The following KIRREL3 variants were observed in gnomAD, a reference collection of about 807,000 sequenced individuals.
The protein encoded by KIRREL3 is kirre like nephrin family adhesion molecule 3.
Under a neutral mutation model 89.7 loss-of-function variants are expected in KIRREL3, and 36 were observed. The observed-to-expected ratio is 0.40, with a 90% CI of 0.31 to 0.53. KIRREL3 has a LOEUF of 0.53. KIRREL3 is among the 20% of genes least tolerant of loss of function. The pLI is 0.49. For missense variants in KIRREL3, 864 were observed against 1,056.6 expected, an observed-to-expected ratio of 0.82 and a Z score of 2.53; for synonymous variants, 445 against 441.4, an observed-to-expected ratio of 1.01 and a Z score of -0.10.
At chr11:126,941,723 G>A (rs774732482) in intron 1 of KIRREL3, among the ~76,000 whole-genome samples, 256 of 152,372 alleles carry the variant, frequency 1.7e-3, no homozygotes, top group Admixed American at 3.7e-3. Context: ...TCTTCCCAGA[G>A]TGGGCTGGAT....
chr11:126,923,276 C>T (rs35032720), intron 1 of KIRREL3, among the ~76,000 whole-genome samples: 2,205 of 94,352 alleles, frequency 0.023, 360 homozygotes, highest in African/African-American at 0.052. Context: ...TCTCCTTCTC[C>T]TTCTCCTTCT....
At chr11:126,864,124 G>C (rs1944841717) in intron 1 of KIRREL3, among the ~76,000 whole-genome samples, 1 of 152,244 alleles carries the variant, frequency 6.6e-6, no homozygotes, top group Admixed American at 6.5e-5. Context: ...ACAAAGTATA[G>C]AGCAGGATGC....
At chr11:126,975,938 C>CCCTT (rs1555111869) in intron 1 of KIRREL3, among the ~76,000 whole-genome samples, 1,806 of 104,294 alleles carry the variant, frequency 0.017, 96 homozygotes, top group South Asian at 0.031. Context: ...CTCCCTCCCT[C>CCCTT]CCTTCCTTCC....
chr11:126,873,249 T>C (rs2036538628), intron 1 of KIRREL3, among the ~76,000 whole-genome samples: 1 of 152,226 alleles, frequency 6.6e-6, no homozygotes, highest in South Asian at 2.1e-4. Flanking sequence ...TTACTTCTGC[T>C]GTGAAGAAAT....
rs1591806967 is a variant in KIRREL3, at chr11:126,605,130, TC to T, written c.56-42219del. Among the ~76,000 whole-genome samples the T allele has an allele frequency of 1.3e-5, 2 of 152,160 alleles. No homozygotes were observed. Among genetic ancestry groups the T allele is most frequent in the East Asian group, 3.9e-4 (2 of 5,174 alleles). On this transcript the variant is annotated intron_variant, in intron 1 of 16. Transcript: ENST00000525144. The surrounding 1 kb of genome is among the most constrained non-coding windows in gnomAD (Gnocchi z 5.7). ...CCTTTCTCCTTGGCTCCTCCCACGC[TC>T]TTGGCTTTTCTCCTGGATTCCCTGC...
At chr11:126,603,437 G>A (rs1942749546) in intron 1 of KIRREL3, among the ~76,000 whole-genome samples, 2 of 152,210 alleles carry the variant, frequency 1.3e-5, no homozygotes, top group Admixed American at 1.3e-4. Context: ...GGGTAGGACT[G>A]GGGCAGCTGC....
At position 126,736,696 on chromosome 11, in the gene KIRREL3, C is replaced by T. The variant is rs1364340291; in HGVS notation, c.56-173784G>A. ...ATGACAAGGATTATCCTACCCAAAA[C>T]GTCATTCGTGCTGAGGTTGAGAAAC... On this transcript the variant is annotated intron_variant, in intron 1 of 16. Coordinates refer to ENST00000525144, the MANE Select transcript of KIRREL3 (RefSeq NM_032531.4). This position sits in a 1 kb window ranked among gnomAD's most constrained non-coding sequence, Gnocchi z 5.0. Among the ~76,000 whole-genome samples, 2 of 152,156 alleles carry T rather than the reference C, an allele frequency of 1.3e-5. No homozygotes were observed. The highest frequency in any genetic ancestry group is 2.9e-5 in the Non-Finnish European group (2 of 68,028).
At chr11:126,846,395 G>T (rs906487609) in intron 1 of KIRREL3, among the ~76,000 whole-genome samples, 1 of 151,964 alleles carries the variant, frequency 6.6e-6, no homozygotes, top group Non-Finnish European at 1.5e-5. Context: ...TAATTAATTC[G>T]TTTAAAAATA....
Position 126,484,601 on chromosome 11 carries a change from A to G in KIRREL3, c.434-11135T>C, listed in dbSNP as rs1957301317. Among the ~76,000 whole-genome samples the G allele has an allele frequency of 6.6e-6, 1 of 152,242 alleles. No homozygotes were observed. Among genetic ancestry groups the G allele is most frequent in the East Asian group, 1.9e-4 (1 of 5,206 alleles). On this transcript the variant is annotated intron_variant, in intron 4 of 16. Transcript: ENST00000525144. This position sits in a 1 kb window ranked among gnomAD's most constrained non-coding sequence, Gnocchi z 5.2. ...AAGAACAGTAGGCCCTGTTAAATGT[A>G]AATTTCAGATAAATTAAAAAATGGT...
rs922751245 is a variant in KIRREL3, at chr11:126,797,318, T to C, written c.55+203137A>G. Among the ~76,000 whole-genome samples the C allele has an allele frequency of 3.3e-5, 5 of 152,234 alleles. No homozygotes were observed. Among genetic ancestry groups the C allele is most frequent in the Admixed American group, 6.5e-5 (1 of 15,292 alleles). Reference sequence around the variant, plus strand: ...ATAACAACATTGTTTCAAAGAGCTGTGTTGAGCATCAAATGCATCTGATTC... The same window carrying C: ...ATAACAACATTGTTTCAAAGAGCTGCGTTGAGCATCAAATGCATCTGATTC... On this transcript the variant is annotated intron_variant, in intron 1 of 16. Transcript: ENST00000525144. This position sits in a 1 kb window ranked among gnomAD's most constrained non-coding sequence, Gnocchi z 4.9.
rs545803969 is a variant in KIRREL3, at chr11:126,512,499, G to A, written c.433+8816C>T. Reference sequence around the variant, plus strand: ...TTGCAGGCTTGTGGGGATGCTGAAAGAGATACCCAGGCCTGAGGAGCAGCC... The same window carrying A: ...TTGCAGGCTTGTGGGGATGCTGAAAAAGATACCCAGGCCTGAGGAGCAGCC... On this transcript the variant is annotated intron_variant, in intron 4 of 16. Transcript: ENST00000525144. Among the ~76,000 whole-genome samples the A allele has an allele frequency of 3.9e-5, 6 of 152,324 alleles. No homozygotes were observed. In the South Asian group the frequency reaches 1.2e-3, roughly 32 times the overall value.
Position 126,724,589 on chromosome 11 carries a change from A to G in KIRREL3, c.56-161677T>C, listed in dbSNP as rs529343779. ...ACGTTTCTGTCCCCAAGGGATGAAG[A>G]AGTTTCTTCAGCTGCTCTGTAGATA... On this transcript the variant is annotated intron_variant, in intron 1 of 16. Coordinates refer to ENST00000525144, the MANE Select transcript of KIRREL3 (RefSeq NM_032531.4). This position sits in a 1 kb window ranked among gnomAD's most constrained non-coding sequence, Gnocchi z 4.3. Among the ~76,000 whole-genome samples, 128 of 152,310 alleles carry G rather than the reference A, an allele frequency of 8.4e-4. 2 individuals carry two copies. In the South Asian group the frequency reaches 0.024, roughly 28 times the overall value.
chr11:126,746,674 C>T (rs1035028884), intron 1 of KIRREL3, among the ~76,000 whole-genome samples: 4 of 152,178 alleles, frequency 2.6e-5, no homozygotes, highest in Non-Finnish European at 4.4e-5. Context: ...TCTCTATGAT[C>T]AGGTGTATCT....
rs1941434244 is a variant in KIRREL3, at chr11:126,579,611, G to A, written c.56-16699C>T. On this transcript the variant is annotated intron_variant, in intron 1 of 16. Coordinates refer to ENST00000525144, the MANE Select transcript of KIRREL3 (RefSeq NM_032531.4). The surrounding 1 kb of genome is among the most constrained non-coding windows in gnomAD (Gnocchi z 5.3). ...CAGAAAAAACAGGGCAGGGTACAAA[G>A]GAGGCAAATGCACCACCTGTGGCCC... 4.5e-5 allele frequency among the ~76,000 whole-genome samples: 5 copies of A among 111,942 alleles called. No individual in the cohort carries two copies. In the South Asian group the frequency reaches 1.9e-3, roughly 42 times the overall value. 73.4% of individuals were successfully genotyped at this position (111,942 alleles called of 152,430 possible).
Position 126,802,486 on chromosome 11 carries a change from G to A in KIRREL3, c.55+197969C>T, listed in dbSNP as rs1446264065. Among the ~76,000 whole-genome samples, 4 of 152,178 alleles carry A rather than the reference G, an allele frequency of 2.6e-5. No individual in the cohort carries two copies. Among genetic ancestry groups the A allele is most frequent in the Admixed American group, 1.3e-4 (2 of 15,288 alleles). ...GTGGCGTCGTTCTTCTCATGTCTGC[G>A]TGGATTTTCTCTGTGTCCTCCAGCT... On this transcript the variant is annotated intron_variant, in intron 1 of 16. Coordinates refer to ENST00000525144, the MANE Select transcript of KIRREL3 (RefSeq NM_032531.4). The surrounding 1 kb of genome is among the most constrained non-coding windows in gnomAD (Gnocchi z 5.2).
chr11:126,525,699 G>T lies in KIRREL3; in HGVS notation c.283+839C>A, dbSNP rs1277070112. Among the ~76,000 whole-genome samples, 2 of 152,144 alleles carry T rather than the reference G, an allele frequency of 1.3e-5. No homozygotes were observed. The highest frequency in any genetic ancestry group is 4.8e-5 in the African/African-American group (2 of 41,426). On this transcript the variant is annotated intron_variant, in intron 3 of 16. Coordinates refer to ENST00000525144, the MANE Select transcript of KIRREL3 (RefSeq NM_032531.4). This position sits in a 1 kb window ranked among gnomAD's most constrained non-coding sequence, Gnocchi z 5.4. ...AAATCACAGGGGAATGACACCCAGA[G>T]GTCCCTGCTTGTGAATTTTACTGTG...
intron 1 of KIRREL3, among the ~76,000 whole-genome samples, chr11:126,815,751 G>A (rs1243317822): frequency 2.0e-5 from 3 of 152,102 alleles, no homozygotes; most frequent in Non-Finnish European, 4.4e-5. Flanking sequence ...TAGTCAGGAC[G>A]GTCTCGATCT....
intron 1 of KIRREL3, among the ~76,000 whole-genome samples, chr11:126,718,296 C>T (rs1256304642): frequency 6.6e-6 from 1 of 152,142 alleles, no homozygotes; most frequent in Non-Finnish European, 1.5e-5. Flanking sequence ...CCTGGCTGGG[C>T]TCACTCAGTG....
In KIRREL3 at chr11:126,535,662, C is replaced by T. The variant is rs1187958222; in HGVS notation, c.134-8975G>A. ...CACCTTTTCTCCAGCCAGACATTTG[C>T]TGCTTCTATTCCTTATCAAGCACTT... On this transcript the variant is annotated intron_variant, in intron 2 of 16. Transcript: ENST00000525144. This position sits in a 1 kb window ranked among gnomAD's most constrained non-coding sequence, Gnocchi z 4.5. Among the ~76,000 whole-genome samples, 1 of 152,104 alleles carries T rather than the reference C, an allele frequency of 6.6e-6. No individual in the cohort carries two copies. The highest frequency in any genetic ancestry group is 1.5e-5 in the Non-Finnish European group (1 of 68,032).
Sources: gnomAD v4.1 joint callset for allele counts (sites outside exome capture counted in the v4.1 genomes callset) on GRCh38, gnomAD v4.1.1 for gene constraint, Gnocchi (gnomAD v3.1) non-coding constraint, MANE v1.5 for transcripts, NCBI Gene and HGNC (gene_info 2026-07-23, HGNC 2026-07-21) for gene names.